The following DNAJC17 variants were observed in gnomAD, a reference collection of about 807,000 sequenced individuals.
DNAJC17 encodes the protein DnaJ heat shock protein family (Hsp40) member C17.
DNAJC17 carries 35 observed loss-of-function variants against 48.1 expected under a neutral mutation model. The ratio of observed to expected loss-of-function variants is 0.73; its 90% CI spans 0.56 to 0.96. DNAJC17 has a LOEUF of 0.96. DNAJC17 is among the 50% of genes least tolerant of loss of function. The probability of loss-of-function intolerance (pLI) is 0.00; values close to 1 mark genes in which losing one functional copy is unlikely to be tolerated. For synonymous variants in DNAJC17, 117 were observed against 142.7 expected, an observed-to-expected ratio of 0.82 and a Z score of 1.28; for missense variants, 355 against 377.1, an observed-to-expected ratio of 0.94 and a Z score of 0.48.
Position 40,782,551 on chromosome 15 carries a change from G to A in DNAJC17, c.79-2554C>T, listed in dbSNP as rs939183320. 1.8e-4 allele frequency among the ~76,000 whole-genome samples: 27 copies of A among 152,132 alleles called. No individual in the cohort carries two copies. In the East Asian group the frequency reaches 4.3e-3, roughly 24 times the overall value. On this transcript the variant is annotated intron_variant, in intron 1 of 10. Transcript: ENST00000220496. ...GACAGTGTACACAACCCCAGAATCC[G>A]TCCTCTGCCTCCAAGGCCTTTGCTT...
At chr15:40,793,902 T>C (rs1473896383) in intron 1 of DNAJC17, among the ~76,000 whole-genome samples, 1 of 152,126 alleles carries the variant, frequency 6.6e-6, no homozygotes, top group African/African-American at 2.4e-5. Flanking sequence ...ATGGGGCAAG[T>C]ATCCAGGCAA....
intron 1 of DNAJC17, among the ~76,000 whole-genome samples, chr15:40,798,414 G>C (rs936748050): frequency 6.6e-6 from 1 of 152,222 alleles, no homozygotes; most frequent in Non-Finnish European, 1.5e-5. Flanking sequence ...AAGTTGTAGA[G>C]ATGGATGGTG....
Position 40,767,207 on chromosome 15 carries a change from C to A in DNAJC17, c.*733G>T, listed in dbSNP as rs376440278. ...TGCTGTGTGCCCCTCCTCACCCCCCCCATCCTGTCTCTTTGCAGTTATGAA... is the reference window on the plus strand; with the variant it reads ...TGCTGTGTGCCCCTCCTCACCCCCCACATCCTGTCTCTTTGCAGTTATGAA... On this transcript the variant is annotated 3_prime_UTR_variant, in exon 11 of 11. Coordinates refer to ENST00000220496, the MANE Select transcript of DNAJC17 (RefSeq NM_018163.3). 28 of 1,487,408 alleles carry A rather than the reference C, an allele frequency of 1.9e-5. No homozygotes were observed. The highest frequency in any genetic ancestry group is 3.5e-4 in the Middle Eastern group (2 of 5,640). The allele number at this position is 1,487,408 out of a possible 1,614,324, so 92.1% of individuals were successfully genotyped here.
chr15:40,780,130 C>G (rs1161590722), intron 1 of DNAJC17, 133 bp from the exon 2 acceptor site: 2 of 864,098 alleles, frequency 2.3e-6, no homozygotes, highest in Admixed American at 2.0e-5. Context: ...TCCTAGCCAC[C>G]AGGGAGACTG....
At position 40,775,190 on chromosome 15, in the gene DNAJC17, C is replaced by T. The variant is rs1313055986; in HGVS notation, c.523-82G>A. ...GACTGAGCTTGACAGTCTGAGCAGA[C>T]ATCCTCCCACCCTCCAAGCCTCCAA... On this transcript the variant is annotated intron_variant, in intron 7 of 10. Coordinates refer to ENST00000220496, the MANE Select transcript of DNAJC17 (RefSeq NM_018163.3). 19 of 1,442,906 alleles carry T rather than the reference C, an allele frequency of 1.3e-5. No homozygotes were observed. In the Admixed American group the frequency reaches 3.3e-4, roughly 25 times the overall value. The allele number at this position is 1,442,906 out of a possible 1,614,324, so 89.4% of individuals were successfully genotyped here. A position where few individuals can be genotyped will look rare whatever the true frequency, so the allele number is the denominator to read the frequency against.
rs1348677406 is a variant in DNAJC17, at chr15:40,769,853, C to T, written c.793-1791G>A. The T allele has an allele frequency of 6.5e-6, 1 of 152,874 alleles. No homozygotes were observed. Among genetic ancestry groups the T allele is most frequent in the Admixed American group, 6.5e-5 (1 of 15,306 alleles). The allele number at this position is 152,874 out of a possible 1,614,324, so 9.5% of individuals were successfully genotyped here. A position where few individuals can be genotyped will look rare whatever the true frequency, so the allele number is the denominator to read the frequency against. On this transcript the variant is annotated intron_variant, in intron 10 of 10. Transcript: ENST00000220496. The surrounding 1 kb of genome is among the most constrained non-coding windows in gnomAD (Gnocchi z 4.2). ...AGAGGAATCTTAAGCTCCCCATTGC[C>T]CTGGGGTGTTGGTCCCAGCTGCCCC...
At position 40,767,950 on chromosome 15, in the gene DNAJC17, G is replaced by A. The variant is rs1434492247; in HGVS notation, c.905C>T (p.Pro302Leu). The part of the protein sequence containing the change: ...ARMQQEDQEG[P>L]PT ...TGGCTGGAGCTGGGGCTACGTAGGC[G>A]GCCCCTCCTGGTCTTCCTGCTGCAT... The change falls in exon 11 of 11, where the codon CCG becomes CTG. Residue 302 changes from proline to leucine, a missense_variant. Around this residue, in one of 3 missense-constraint regions of DNAJC17, gnomAD observed 88 missense variants for 67.7 expected, o/e 1.30. Transcript: ENST00000220496. The A allele has an allele frequency of 1.2e-6, 2 of 1,612,748 alleles. No homozygotes were observed. Among genetic ancestry groups the A allele is most frequent in the East Asian group, 2.2e-5 (1 of 44,884 alleles).
At chr15:40,779,867 G>T in intron 2 of DNAJC17, 61 bp downstream of exon 2, 1 of 1,558,110 alleles carries the variant, frequency 6.4e-7, no homozygotes, top group Non-Finnish European at 8.8e-7. Context: ...AGCTTACATC[G>T]GGAAACACAA....
intron 7 of DNAJC17, 151 bp downstream of exon 7, chr15:40,775,402 C>T (rs1000070858): frequency 3.4e-5 from 31 of 905,718 alleles, no homozygotes; most frequent in Non-Finnish European, 5.1e-5. Flanking sequence ...GATCTCCGGG[C>T]GGCTGGAGCA....
chr15:40,779,515 G>A (rs372412595), intron 3 of DNAJC17, 30 bp downstream of exon 3: 3 of 1,613,980 alleles, frequency 1.9e-6, no homozygotes, highest in South Asian at 1.1e-5. Context: ...AACCATGGGG[G>A]ACGATTCCGA....
chr15:40,801,772 T>C (rs80195203), intron 1 of DNAJC17, among the ~76,000 whole-genome samples: 3,508 of 149,528 alleles, frequency 0.023, 134 homozygotes, highest in African/African-American at 0.082. Flanking sequence ...AGAAAAGAAA[T>C]TCTATTGAGT....
Position 40,779,277 on chromosome 15 carries a change from G to C in DNAJC17, c.241C>G (p.Gln81Glu). The C allele has an allele frequency of 6.2e-7, 1 of 1,614,054 alleles. No homozygotes were observed. The highest frequency in any genetic ancestry group is 8.5e-7 in the Non-Finnish European group (1 of 1,180,020). Residue 81 changes from glutamine to glutamate, a missense_variant, in exon 4 of 11, where the codon CAA becomes GAA. Gln to Glu is a conservative substitution (Grantham distance 29). This residue lies in a region of DNAJC17 where 199 missense variants were observed against 199.9 expected (regional missense o/e 1.00). Coordinates refer to ENST00000220496, the MANE Select transcript of DNAJC17 (RefSeq NM_018163.3). ...AGTTTCTGGGTCCTCTCTGCTGCTT[G>C]CTTCTTGGCTTTCCTGACCTTGTCA... ...AYDKVRKAKK[Q>E]AAERTQKLDE...
At chr15:40,795,106 C>T (rs1243900710) in intron 1 of DNAJC17, among the ~76,000 whole-genome samples, 1 of 152,014 alleles carries the variant, frequency 6.6e-6, no homozygotes, top group Non-Finnish European at 1.5e-5. Flanking sequence ...AAATCATCAG[C>T]TGATTAAAAA....
intron 6 of DNAJC17, 100 bp downstream of exon 6, chr15:40,776,096 T>G (rs989477860): frequency 1.8e-6 from 2 of 1,128,292 alleles, no homozygotes; most frequent in Non-Finnish European, 2.6e-6. Context: ...TTCCAGCAGG[T>G]AGAAGCCTCC....
rs765589928 is a variant in DNAJC17 at position 40,767,372 on chromosome 15, C to T, written c.*568G>A. The T allele has an allele frequency of 1.3e-5, 21 of 1,585,832 alleles. No homozygotes were observed. The Admixed American group carries it at 1.6e-4, about 12-fold the overall frequency. On this transcript the variant is annotated 3_prime_UTR_variant, in exon 11 of 11. Coordinates refer to ENST00000220496, the MANE Select transcript of DNAJC17 (RefSeq NM_018163.3). ...TGACCTTCTCATGCTGATTTGCAGACGGGGCACCCCTGTGGAGGGGCTGCT... is the reference window on the plus strand; with the variant it reads ...TGACCTTCTCATGCTGATTTGCAGATGGGGCACCCCTGTGGAGGGGCTGCT...
chr15:40,771,994 A>G (rs926558458), intron 10 of DNAJC17: 1 of 167,002 alleles, frequency 6.0e-6, no homozygotes, highest in Admixed American at 6.5e-5. Flanking sequence ...CACGGCTTGC[A>G]AAGGGGTACT....
At chr15:40,792,347 AAT>A in intron 1 of DNAJC17, 6 of 576,116 alleles carry the variant, frequency 1.0e-5, no homozygotes, top group Non-Finnish European at 1.3e-5. Flanking sequence ...AGAAAATGTC[AAT>A]ATTAAGTTTC....
chr15:40,807,387 C>A lies in DNAJC17; in HGVS notation c.60G>T (p.Glu20Asp), dbSNP rs940038454. The change falls in exon 1 of 11, where the codon GAG becomes GAT. Residue 20 changes from glutamate (E) to aspartate (D), a missense_variant. This residue lies in a region of DNAJC17 where 199 missense variants were observed against 199.9 expected (regional missense o/e 1.00). Coordinates refer to ENST00000220496, the MANE Select transcript of DNAJC17 (RefSeq NM_018163.3). ...MDLYALLGIEEKAADKEVKKA... is the reference protein window; with the variant it reads ...MDLYALLGIEDKAADKEVKKA... The stretch of plus-strand genomic sequence containing the variant: ...TTCTCACCTCTTTGTCCGCTGCCTT[C>A]TCCTCAATGCCTAGCAGCGCGTACA... 1.2e-6 allele frequency: 2 copies of A among 1,614,268 alleles called. No homozygotes were observed. The highest frequency in any genetic ancestry group is 1.7e-6 in the Non-Finnish European group (2 of 1,180,048).
intron 1 of DNAJC17, among the ~76,000 whole-genome samples, chr15:40,782,726 G>C (rs1216731238): frequency 1.3e-5 from 2 of 152,162 alleles, no homozygotes; most frequent in Non-Finnish European, 2.9e-5. Flanking sequence ...TAAGCAGCCA[G>C]CATCCACAAG....
Sources: allele counts gnomAD v4.1 joint callset (sites outside exome capture counted in the v4.1 genomes callset), GRCh38; gene constraint gnomAD v4.1.1; regional missense constraint gnomAD v4.1.1; non-coding constraint Gnocchi (gnomAD v3.1); transcripts MANE v1.5; gene names NCBI Gene and HGNC (gene_info 2026-07-23, HGNC 2026-07-21).